The following CDK5RAP1 variants were observed in gnomAD, a reference collection of about 807,000 sequenced individuals.
CDK5RAP1 encodes CDK5RAP1 mitochondrial tRNA methylthiotransferase, also known as mitochondrial tRNA methylthiotransferase CDK5RAP1.
In CDK5RAP1, 62 loss-of-function variants were observed where a neutral mutation model predicts 64.5. The ratio of observed to expected loss-of-function variants is 0.96; its 90% confidence interval spans 0.78 to 1.19. The LOEUF (loss-of-function observed/expected upper bound fraction) is 1.19. Among genes scored for constraint, CDK5RAP1 ranks in the 50% most tolerant of loss-of-function variants. The probability of loss-of-function intolerance (pLI) is 0.00; values close to 1 mark genes in which losing one functional copy is unlikely to be tolerated. For synonymous variants in CDK5RAP1, 250 were observed against 261.9 expected (o/e 0.95, Z 0.44); for missense variants, 657 against 735.0 (o/e 0.89, Z 1.23).
intron 8 of CDK5RAP1, among the ~76,000 whole-genome samples, chr20:33,378,103 C>T (rs1320869225): frequency 1.3e-5 from 2 of 152,308 alleles, no homozygotes; most frequent in Non-Finnish European, 1.5e-5. Context: ...CAGCCTAGCT[C>T]GGCTTTCAAC....
chr20:33,388,860 G>C (rs1426955958), intron 5 of CDK5RAP1, among the ~76,000 whole-genome samples: 4 of 152,212 alleles, frequency 2.6e-5, no homozygotes, highest in Admixed American at 6.5e-5. Context: ...CTCCTAACCG[G>C]GAGTGATCTG....
chr20:33,376,324 G>GA (rs1161609373), intron 8 of CDK5RAP1, among the ~76,000 whole-genome samples: 1 of 151,072 alleles, frequency 6.6e-6, no homozygotes, highest in East Asian at 1.9e-4. Context: ...ACTCAGTCTC[G>GA]AAAAAAAATA....
At chr20:33,395,864 A>T (rs1378556937) in intron 2 of CDK5RAP1, among the ~76,000 whole-genome samples, 2 of 151,754 alleles carry the variant, frequency 1.3e-5, no homozygotes, top group African/African-American at 4.8e-5. Context: ...AAATACAAAA[A>T]TCAGCCAGGT....
chr20:33,380,096 TCA>T lies in CDK5RAP1; in HGVS notation c.877-407_877-406del, dbSNP rs200966406. On this transcript the variant is annotated intron_variant, in intron 7 of 13. Transcript: ENST00000346416. ...ACACCTAACTTCCAGTTACTAGAATTCACAGAGATATATTAAATGACAACATG... is the reference window on the plus strand; with the variant it reads ...ACACCTAACTTCCAGTTACTAGAATTCAGAGATATATTAAATGACAACATG... 1.2e-4 allele frequency among the ~76,000 whole-genome samples: 19 copies of T among 152,254 alleles called. No homozygotes were observed. The East Asian group carries it at 3.3e-3, about 26-fold the overall frequency.
chr20:33,367,764 C>T (rs544778401), intron 11 of CDK5RAP1, among the ~76,000 whole-genome samples: 1 of 152,262 alleles, frequency 6.6e-6, no homozygotes, highest in South Asian at 2.1e-4. Context: ...TTAAATCATC[C>T]AAAACCACAG....
At chr20:33,375,620 A>G (rs1191067769) in intron 8 of CDK5RAP1, among the ~76,000 whole-genome samples, 1 of 152,038 alleles carries the variant, frequency 6.6e-6, no homozygotes, top group African/African-American at 2.4e-5. Context: ...ACCTCCAAAA[A>G]AAGGTTTCAG....
chr20:33,368,531 C>T (rs1400267487), intron 11 of CDK5RAP1, among the ~76,000 whole-genome samples: 3 of 120,346 alleles, frequency 2.5e-5, no homozygotes, highest in African/African-American at 9.5e-5. Context: ...TGGTCTCAAA[C>T]TCCTGGGCTT....
At chr20:33,384,123 C>A (rs912324682) in intron 7 of CDK5RAP1, among the ~76,000 whole-genome samples, 1 of 151,786 alleles carries the variant, frequency 6.6e-6, no homozygotes, top group African/African-American at 2.4e-5. Flanking sequence ...GTTAAAGGTA[C>A]AATATTCTAT....
At chr20:33,385,792 C>T (rs752426911) in intron 6 of CDK5RAP1, 22 bp from the exon 7 acceptor site, 2 of 1,605,018 alleles carry the variant, frequency 1.2e-6, no homozygotes, top group Non-Finnish European at 1.7e-6. Context: ...AGTACCAGAA[C>T]TTAGTAACAG....
At chr20:33,387,302 A>C in intron 6 of CDK5RAP1, 21 bp downstream of exon 6, 1 of 1,584,184 alleles carries the variant, frequency 6.3e-7, no homozygotes. Context: ...CTTATTCCCT[A>C]TCTCTTAGGC....
At chr20:33,396,674 G>A (rs1400883445) in intron 2 of CDK5RAP1, 87 bp downstream of exon 2, 2 of 1,012,778 alleles carry the variant, frequency 2.0e-6, no homozygotes, top group African/African-American at 1.6e-5. Flanking sequence ...AACCTTCCAA[G>A]CCAGTTCTGT....
Position 33,396,123 on chromosome 20 carries a change from C to T in CDK5RAP1, c.304+638G>A, listed in dbSNP as rs1463114841. ...CTCCTCCTCAAAATAAAGAGGTTTT[C>T]CAGCCTCTGGAAGTAGCAGCAGTGG... On this transcript the variant is annotated intron_variant, in intron 2 of 13. Transcript: ENST00000346416. Among the ~76,000 whole-genome samples, 6 of 152,210 alleles carry T rather than the reference C, an allele frequency of 3.9e-5. No individual in the cohort carries two copies. In the East Asian group the frequency reaches 9.6e-4, roughly 24 times the overall value.
intron 8 of CDK5RAP1, among the ~76,000 whole-genome samples, chr20:33,374,567 A>ATT (rs796962548): frequency 7.0e-5 from 10 of 141,918 alleles, no homozygotes; most frequent in Admixed American, 2.1e-4. Context: ...GTCACTTTCT[A>ATT]TTTTTTTTTT....
At chr20:33,379,398 G>T in intron 8 of CDK5RAP1, 63 bp downstream of exon 8, 1 of 1,208,546 alleles carries the variant, frequency 8.3e-7, no homozygotes. Context: ...TCCCTACTGG[G>T]TCCAGCCTTT....
chr20:33,379,679 C>T lies in CDK5RAP1; in HGVS notation c.889G>A (p.Val297Met), dbSNP rs1224112252. Reference protein sequence around the residue: ...KKLSEQGLKEVTLLGQNVNSF... With the variant: ...KKLSEQGLKEMTLLGQNVNSF... ...TTAACATTCTGACCAAGAAGTGTCA[C>T]TTCTTTCAGCCCCTAAACATGGGAA... is the stretch of plus-strand genomic sequence containing the variant. The change falls in exon 8 of 14, where the codon GTG becomes ATG. Residue 297 changes from valine (V) to methionine (M), a missense_variant. Transcript: ENST00000346416. 9 of 1,613,440 alleles carry T rather than the reference C, an allele frequency of 5.6e-6. No individual in the cohort carries two copies. In the Admixed American group the frequency reaches 1.2e-4, roughly 21 times the overall value.
chr20:33,363,999 C>T (rs1463448979), intron 12 of CDK5RAP1, among the ~76,000 whole-genome samples: 1 of 151,342 alleles, frequency 6.6e-6, no homozygotes, highest in African/African-American at 2.4e-5. Flanking sequence ...ATGAGACAAA[C>T]AGGGAAATTA....
In CDK5RAP1 at chr20:33,396,756, C is replaced by T. The variant is rs752187828; in HGVS notation, c.304+5G>A. On this transcript the variant is annotated splice_donor_5th_base_variant and intron_variant, in intron 2 of 13. Coordinates refer to ENST00000346416, the MANE Select transcript of CDK5RAP1 (RefSeq NM_016408.4). ...GCCCAAAGGGATAAGCGAAGTAAAA[C>T]CAACCTTTTCTCTGCCTTCCAAGAA... The T allele has an allele frequency of 6.2e-6, 10 of 1,609,174 alleles. No homozygotes were observed. The highest frequency in any genetic ancestry group is 2.2e-5 in the South Asian group (2 of 90,756).
At chr20:33,392,824 G>T (rs560208642) in intron 4 of CDK5RAP1, among the ~76,000 whole-genome samples, 13 of 149,648 alleles carry the variant, frequency 8.7e-5, no homozygotes, top group African/African-American at 2.9e-4. Flanking sequence ...TTTTTTTTAT[G>T]ATTCCAGATC....
chr20:33,365,702 G>A (rs1456452278), intron 12 of CDK5RAP1, among the ~76,000 whole-genome samples: 2 of 151,828 alleles, frequency 1.3e-5, no homozygotes, highest in African/African-American at 4.8e-5. Flanking sequence ...TGTAACCTTA[G>A]GGAAGTTATG....
Sources: allele counts gnomAD v4.1 joint callset (sites outside exome capture counted in the v4.1 genomes callset), GRCh38; gene constraint gnomAD v4.1.1; transcripts MANE v1.5; gene names NCBI Gene and HGNC (gene_info 2026-07-23, HGNC 2026-07-21).